SH3GL2: variants seen among roughly 807,000 people sequenced by gnomAD.
The protein encoded by SH3GL2 is endophilin-A1.
In SH3GL2, 24 loss-of-function variants were observed where a neutral mutation model predicts 46.0. The observed-to-expected ratio is 0.52, with a 90% CI of 0.38 to 0.73. The LOEUF (loss-of-function observed/expected upper bound fraction) is 0.73. SH3GL2 is among the 30% of genes least tolerant of loss of function. The pLI, the probability that SH3GL2 is intolerant of heterozygous loss-of-function variation, is 0.00. For missense variants in SH3GL2, 413 were observed against 424.2 expected, an observed-to-expected ratio of 0.97 and a Z score of 0.23; for synonymous variants, 196 against 147.1, an observed-to-expected ratio of 1.33 and a Z score of -2.40.
chr9:17,747,013 AT>A, intron 1 of SH3GL2, 52 bp from the exon 2 acceptor site: 2 of 1,258,768 alleles, frequency 1.6e-6, no homozygotes, highest in South Asian at 1.3e-5. Flanking sequence ...TTTCTAACAC[AT>A]TTTTTAAAGA....
intron 1 of SH3GL2, among the ~76,000 whole-genome samples, chr9:17,665,976 T>C (rs1233829814): frequency 6.6e-6 from 1 of 150,888 alleles, no homozygotes; most frequent in Non-Finnish European, 1.5e-5. Context: ...GCAGTAGTCC[T>C]CCTTTCCATA....
At chr9:17,787,589 A>T in intron 5 of SH3GL2, 76 bp downstream of exon 5, 4 of 1,258,558 alleles carry the variant, frequency 3.2e-6, no homozygotes, top group Non-Finnish European at 4.5e-6. Context: ...TTTAGAAAAC[A>T]TTTTTTTAGC....
chr9:17,757,868 C>T (rs1048787552), intron 2 of SH3GL2, among the ~76,000 whole-genome samples: 2 of 152,150 alleles, frequency 1.3e-5, no homozygotes, highest in Non-Finnish European at 2.9e-5. Flanking sequence ...ATATAAATAA[C>T]TCTTCTGCCA....
chr9:17,665,396 T>C (rs1205830927), intron 1 of SH3GL2, among the ~76,000 whole-genome samples: 1 of 152,184 alleles, frequency 6.6e-6, no homozygotes, highest in Non-Finnish European at 1.5e-5. Flanking sequence ...TTCTTCATCC[T>C]TTTTTCTTTC....
rs570113119 is a variant in SH3GL2 at position 17,779,778 on chromosome 9, C to G, written c.188-6603C>G. ...AGATAAGTTGGTTTTCTTTACCCCC[C>G]ACCACCATCCTTTGAGCCCAAGACC... On this transcript the variant is annotated intron_variant, in intron 3 of 8. Coordinates refer to ENST00000380607, the MANE Select transcript of SH3GL2 (RefSeq NM_003026.5). Among the ~76,000 whole-genome samples the G allele has an allele frequency of 3.9e-5, 6 of 152,262 alleles. 1 individual carries two copies. The highest frequency in any genetic ancestry group is 1.4e-4 in the African/African-American group (6 of 41,552).
chr9:17,761,760 A>T (rs777052090), intron 3 of SH3GL2, among the ~76,000 whole-genome samples: 2 of 152,216 alleles, frequency 1.3e-5, no homozygotes, highest in Non-Finnish European at 2.9e-5. Context: ...AATGTATGCA[A>T]ACAGTTCAGG....
chr9:17,613,394 A>G (rs1408251345), intron 1 of SH3GL2, among the ~76,000 whole-genome samples: 1 of 152,204 alleles, frequency 6.6e-6, no homozygotes. Flanking sequence ...ATGTTGCTGA[A>G]AATTAAAATG....
chr9:17,769,366 A>G (rs931313403), intron 3 of SH3GL2, among the ~76,000 whole-genome samples: 4 of 152,130 alleles, frequency 2.6e-5, no homozygotes, highest in Non-Finnish European at 4.4e-5. Flanking sequence ...TTTGTTCACT[A>G]TACTGCCTTT....
intron 5 of SH3GL2, among the ~76,000 whole-genome samples, chr9:17,788,375 A>T (rs1342128896): frequency 6.6e-6 from 1 of 152,042 alleles, no homozygotes; most frequent in Non-Finnish European, 1.5e-5. Flanking sequence ...CAGGGCATGG[A>T]CTGAGGGGCG....
intron 1 of SH3GL2, among the ~76,000 whole-genome samples, chr9:17,695,801 G>GA (rs1821188379): frequency 6.6e-6 from 1 of 151,932 alleles, no homozygotes; most frequent in Non-Finnish European, 1.5e-5. Context: ...GAAACATTGT[G>GA]AAAAAAATCT....
At chr9:17,751,882 C>T (rs527284348) in intron 2 of SH3GL2, among the ~76,000 whole-genome samples, 1 of 152,196 alleles carries the variant, frequency 6.6e-6, no homozygotes, top group South Asian at 2.1e-4. Flanking sequence ...GTAAGAAGGG[C>T]CAGAGCTCCA....
intron 1 of SH3GL2, among the ~76,000 whole-genome samples, chr9:17,705,231 G>T (rs1821441701): frequency 6.6e-6 from 1 of 151,982 alleles, no homozygotes; most frequent in South Asian, 2.1e-4. Context: ...TTATCAAAAA[G>T]TCAGACAATA....
In SH3GL2 at chr9:17,656,768, C is replaced by G. The variant is rs1252100075; in HGVS notation, c.45+77481C>G. Reference sequence around the variant, plus strand: ...CCTGGGCGACAGAGTGAGACTACATCTCAAAAAAAAAAAAAAAAACAAAAA... The same window carrying G: ...CCTGGGCGACAGAGTGAGACTACATGTCAAAAAAAAAAAAAAAAACAAAAA... On this transcript the variant is annotated intron_variant, in intron 1 of 8. Coordinates refer to ENST00000380607, the MANE Select transcript of SH3GL2 (RefSeq NM_003026.5). 6.2e-5 allele frequency among the ~76,000 whole-genome samples: 3 copies of G among 48,270 alleles called. 1 individual carries two copies. The highest frequency in any genetic ancestry group is 1.3e-4 in the Non-Finnish European group (3 of 23,504). 31.7% of individuals were successfully genotyped at this position (48,270 alleles called of 152,430 possible). A position where few individuals can be genotyped will look rare whatever the true frequency, so the allele number is the denominator to read the frequency against.
At chr9:17,615,944 C>A (rs941462712) in intron 1 of SH3GL2, among the ~76,000 whole-genome samples, 3 of 152,002 alleles carry the variant, frequency 2.0e-5, no homozygotes, top group African/African-American at 7.2e-5. Flanking sequence ...AATTGTTGTT[C>A]TGTGAATGAG....
chr9:17,725,273 TA>T (rs1588275918), intron 1 of SH3GL2, among the ~76,000 whole-genome samples: 1 of 152,034 alleles, frequency 6.6e-6, no homozygotes, highest in African/African-American at 2.4e-5. Flanking sequence ...TGAGTAGAAA[TA>T]AAAGAGGTGT....
rs558043290 is a variant in SH3GL2, at chr9:17,716,310, A to G, written c.46-30756A>G. 1.2e-4 allele frequency among the ~76,000 whole-genome samples: 19 copies of G among 152,218 alleles called. No homozygotes were observed. The South Asian group carries it at 3.7e-3, about 30-fold the overall frequency. ...GGGGGCTGGATGTTTTAATTTTTCT[A>G]TAACAGTTCTTGGTCTTTGTTCTGG... On this transcript the variant is annotated intron_variant, in intron 1 of 8. Transcript: ENST00000380607.
chr9:17,584,207 A>T (rs1056451592), intron 1 of SH3GL2, among the ~76,000 whole-genome samples: 1 of 152,264 alleles, frequency 6.6e-6, no homozygotes, highest in East Asian at 1.9e-4. Context: ...TCCCCTCGAA[A>T]AGTAAAAATA....
intron 1 of SH3GL2, among the ~76,000 whole-genome samples, chr9:17,643,441 T>C (rs1819733502): frequency 6.6e-6 from 1 of 151,338 alleles, no homozygotes; most frequent in Admixed American, 6.6e-5. Flanking sequence ...AGTGGTGAGA[T>C]GTTGAATAGG....
At chr9:17,665,557 G>A (rs1820322083) in intron 1 of SH3GL2, among the ~76,000 whole-genome samples, 1 of 152,002 alleles carries the variant, frequency 6.6e-6, no homozygotes, top group Non-Finnish European at 1.5e-5. Flanking sequence ...TTCTCATACA[G>A]TGTTATAAAC....
Sources: allele counts gnomAD v4.1 joint callset (sites outside exome capture counted in the v4.1 genomes callset), GRCh38; gene constraint gnomAD v4.1.1; transcripts MANE v1.5; gene names NCBI Gene and HGNC (gene_info 2026-07-23, HGNC 2026-07-21).